The following ZBTB16 variants were observed in gnomAD, a reference collection of about 807,000 sequenced individuals.
The protein encoded by ZBTB16 is zinc finger and BTB domain-containing protein 16.
A neutral mutation model predicts 56.8 loss-of-function variants in ZBTB16; 8 were observed. The ratio of observed to expected loss-of-function variants is 0.14; its 90% CI spans 0.08 to 0.25. The LOEUF (loss-of-function observed/expected upper bound fraction) is 0.25, where lower values mean the gene tolerates loss of function less well. Among genes scored for constraint, ZBTB16 ranks in the 10% least tolerant of loss-of-function variants. The pLI is 1.00. For missense variants in ZBTB16, 625 were observed against 903.0 expected, an observed-to-expected ratio of 0.69 and a Z score of 3.95; for synonymous variants, 363 against 368.5, an observed-to-expected ratio of 0.98 and a Z score of 0.17.
intron 4 of ZBTB16, among the ~76,000 whole-genome samples, chr11:114,231,000 T>G (rs1344250668): frequency 2.0e-5 from 3 of 152,032 alleles, no homozygotes; most frequent in Non-Finnish European, 2.9e-5. Context: ...GGTTTTTGGG[T>G]TTTTTTCCCC....
chr11:114,156,646 C>T (rs952289419), intron 3 of ZBTB16, among the ~76,000 whole-genome samples: 2 of 152,180 alleles, frequency 1.3e-5, no homozygotes, highest in Non-Finnish European at 2.9e-5. Flanking sequence ...TTCAAGCTCT[C>T]GTGGGTTTCC....
intron 4 of ZBTB16, among the ~76,000 whole-genome samples, chr11:114,195,777 G>A (rs1943593016): frequency 6.6e-6 from 1 of 152,110 alleles, no homozygotes; most frequent in Admixed American, 6.5e-5. Context: ...GCATCATCCT[G>A]GTCTTCCTCA....
intron 4 of ZBTB16, among the ~76,000 whole-genome samples, chr11:114,230,323 T>C (rs7932160): frequency 0.33 from 49,709 of 152,010 alleles, 9,107 homozygotes; most frequent in African/African-American, 0.49. Flanking sequence ...ATTCTGCCGT[T>C]GCTAAGACCA....
In ZBTB16 at chr11:114,143,493, C is replaced by G. The variant is rs988141190; in HGVS notation, c.1269-12844C>G. 6.6e-6 allele frequency among the ~76,000 whole-genome samples: 1 copy of G among 152,112 alleles called. No individual in the cohort carries two copies. Among genetic ancestry groups the G allele is most frequent in the Admixed American group, 6.5e-5 (1 of 15,276 alleles). On this transcript the variant is annotated intron_variant, in intron 2 of 6. Coordinates refer to ENST00000335953, the MANE Select transcript of ZBTB16 (RefSeq NM_006006.6). The surrounding 1 kb of genome is among the most constrained non-coding windows in gnomAD (Gnocchi z 6.4). ...GAAGGCTTCTAGGGATGGTACTGAC[C>G]CTCTTGCCTAGTGAAATGTCCTTTT... is the stretch of plus-strand genomic sequence containing the variant.
chr11:114,162,427 C>T (rs535550784), intron 3 of ZBTB16, among the ~76,000 whole-genome samples: 16 of 152,182 alleles, frequency 1.1e-4, no homozygotes, highest in Non-Finnish European at 1.8e-4. Flanking sequence ...GTGGTCCCCA[C>T]GCTGATGATG....
At chr11:114,233,878 C>T (rs1253600190) in intron 4 of ZBTB16, among the ~76,000 whole-genome samples, 1 of 152,178 alleles carries the variant, frequency 6.6e-6, no homozygotes. Flanking sequence ...AACAAATACA[C>T]GGTTTTCCGG....
At chr11:114,188,147 G>A (rs1943405801) in intron 4 of ZBTB16, 1 of 152,504 alleles carries the variant, frequency 6.6e-6, no homozygotes, top group Non-Finnish European at 1.5e-5. Context: ...TCCGCTGTAT[G>A]TGAAAAGGTT....
chr11:114,106,619 C>T (rs1442362845), intron 2 of ZBTB16, among the ~76,000 whole-genome samples: 1 of 151,908 alleles, frequency 6.6e-6, no homozygotes, highest in African/African-American at 2.4e-5. Context: ...TATAGGCCTG[C>T]ACCACCATGC....
chr11:114,167,403 A>C (rs964573785), intron 3 of ZBTB16, among the ~76,000 whole-genome samples: 5 of 99,030 alleles, frequency 5.0e-5, no homozygotes, highest in Non-Finnish European at 7.6e-5. Context: ...TTTTTTTTTA[A>C]ATTCTCCCTC....
rs1247979599 is a variant in ZBTB16 at position 114,198,579 on chromosome 11, TA to T, written c.1453+11544del. Reference sequence around the variant, plus strand: ...CCCCCGATACTCTTTTTTAAATTAATAAATTTCATTTTTTTAAGAGCAGCTT... The same window carrying T: ...CCCCCGATACTCTTTTTTAAATTAATAATTTCATTTTTTTAAGAGCAGCTT... On this transcript the variant is annotated intron_variant, in intron 4 of 6. Transcript: ENST00000335953. 5.3e-5 allele frequency among the ~76,000 whole-genome samples: 8 copies of T among 152,312 alleles called. No individual in the cohort carries two copies. In the East Asian group the frequency reaches 1.5e-3, roughly 29 times the overall value.
intron 4 of ZBTB16, among the ~76,000 whole-genome samples, chr11:114,230,481 C>T (rs1381495720): frequency 2.6e-5 from 4 of 152,068 alleles, no homozygotes; most frequent in African/African-American, 4.8e-5. Context: ...GTGTGCCGTA[C>T]AGTACGGGAA....
intron 6 of ZBTB16, among the ~76,000 whole-genome samples, chr11:114,249,161 C>T (rs928300204): frequency 3.3e-5 from 5 of 149,366 alleles, no homozygotes; most frequent in Non-Finnish European, 4.4e-5. Context: ...AAGGTCTTAG[C>T]GGTTTTAGCA....
intron 5 of ZBTB16, among the ~76,000 whole-genome samples, chr11:114,242,659 C>G (rs923300151): frequency 5.3e-5 from 8 of 152,114 alleles, no homozygotes; most frequent in African/African-American, 9.7e-5. Context: ...AATATGTATT[C>G]CCAAGGGATT....
At chr11:114,173,141 C>T (rs776060190) in intron 3 of ZBTB16, among the ~76,000 whole-genome samples, 21 of 152,178 alleles carry the variant, frequency 1.4e-4, no homozygotes, top group Admixed American at 2.0e-4. Context: ...CATTTTTAAC[C>T]AGTTTGAACA....
rs959771363 is a variant in ZBTB16, at chr11:114,250,076, T to C, written c.1793-250T>C. ...AATCCAGTAGTCAACTAGCTACATG[T>C]AGCTATTTAAATTAGTTACAATGAA... On this transcript the variant is annotated intron_variant, in intron 6 of 6. Coordinates refer to ENST00000335953, the MANE Select transcript of ZBTB16 (RefSeq NM_006006.6). This position sits in a 1 kb window ranked among gnomAD's most constrained non-coding sequence, Gnocchi z 6.0. Among the ~76,000 whole-genome samples, 13 of 152,222 alleles carry C rather than the reference T, an allele frequency of 8.5e-5. No homozygotes were observed. The highest frequency in any genetic ancestry group is 3.1e-4 in the African/African-American group (13 of 41,440).
chr11:114,075,605 C>T (rs1482710424), intron 2 of ZBTB16, among the ~76,000 whole-genome samples: 1 of 142,728 alleles, frequency 7.0e-6, no homozygotes, highest in Non-Finnish European at 1.5e-5. Context: ...CACAGGGGTG[C>T]ACCACCACAC....
At chr11:114,103,008 A>G (rs1464905485) in intron 2 of ZBTB16, among the ~76,000 whole-genome samples, 3 of 152,202 alleles carry the variant, frequency 2.0e-5, no homozygotes, top group African/African-American at 7.2e-5. Context: ...GCTGCTGGGA[A>G]CATTAAAAGA....
intron 2 of ZBTB16, among the ~76,000 whole-genome samples, chr11:114,147,617 A>G (rs558652218): frequency 6.6e-6 from 1 of 152,236 alleles, no homozygotes; most frequent in Non-Finnish European, 1.5e-5. Flanking sequence ...CAGAGAAGCT[A>G]TAAATCTTAA....
At chr11:114,176,344 A>C (rs1261646444) in intron 3 of ZBTB16, among the ~76,000 whole-genome samples, 2 of 152,158 alleles carry the variant, frequency 1.3e-5, no homozygotes, top group Admixed American at 1.3e-4. Flanking sequence ...CACAAATGCC[A>C]AGGTTGCAAA....
Sources: gnomAD v4.1 joint callset for allele counts (sites outside exome capture counted in the v4.1 genomes callset) on GRCh38, gnomAD v4.1.1 for gene constraint, Gnocchi (gnomAD v3.1) non-coding constraint, MANE v1.5 for transcripts, NCBI Gene and HGNC (gene_info 2026-07-23, HGNC 2026-07-21) for gene names.